Variants in INO80 observed in about 807,000 individuals in gnomAD.
INO80 encodes the protein INO80 complex ATPase subunit, also known as chromatin-remodeling ATPase INO80.
In INO80, 20 loss-of-function variants were observed where a neutral mutation model predicts 203.4. That is an observed-to-expected ratio of 0.10 (90% CI 0.07 to 0.14). The LOEUF (loss-of-function observed/expected upper bound fraction) is 0.14. Among genes scored for constraint, INO80 ranks in the 10% least tolerant of loss-of-function variants. The pLI is 1.00. For synonymous variants in INO80, 726 were observed against 685.2 expected (o/e 1.06, Z -0.93); for missense variants, 1,419 against 1,914.4 (o/e 0.74, Z 4.83).
intron 1 of INO80, among the ~76,000 whole-genome samples, chr15:41,114,578 A>G (rs1596337305): frequency 6.6e-6 from 1 of 151,420 alleles, no homozygotes. Flanking sequence ...GTGTGGTGGC[A>G]GCCGCCTGTA....
At chr15:41,062,216 C>T (rs1234011216) in intron 14 of INO80, among the ~76,000 whole-genome samples, 2 of 152,012 alleles carry the variant, frequency 1.3e-5, no homozygotes, top group Non-Finnish European at 2.9e-5. Flanking sequence ...ATACCGAAGT[C>T]TTTATATTAT....
At chr15:40,983,418 G>C (rs932245646) in intron 34 of INO80, among the ~76,000 whole-genome samples, 13 of 152,132 alleles carry the variant, frequency 8.5e-5, no homozygotes, top group African/African-American at 3.1e-4. Flanking sequence ...TTGCCTTGGA[G>C]AGTCAAATTT....
chr15:41,039,297 T>C (rs2044632082), intron 24 of INO80, among the ~76,000 whole-genome samples: 1 of 152,204 alleles, frequency 6.6e-6, no homozygotes, highest in Non-Finnish European at 1.5e-5. Flanking sequence ...AATTTAACAA[T>C]ACTATTTCTA....
At position 40,982,867 on chromosome 15, in the gene INO80, G is replaced by C; in HGVS notation, c.4448C>G (p.Ser1483Cys). 6.2e-7 allele frequency: 1 copy of C among 1,612,112 alleles called. No individual in the cohort carries two copies. Among genetic ancestry groups the C allele is most frequent in the Non-Finnish European group, 8.5e-7 (1 of 1,179,356 alleles). ...GCCACCCTGGGCTTCTGTACCTTTAGACACGTTGTACCCGTATGCGGCATA... is the reference window on the plus strand; with the variant it reads ...GCCACCCTGGGCTTCTGTACCTTTACACACGTTGTACCCGTATGCGGCATA... ...AAYAAYGYNV[S>C]KGISASSPLQ... Residue 1483 changes from serine (S) to cysteine (C), a missense_variant, in exon 35 of 36, where the codon TCT (serine) becomes TGT (cysteine). By Grantham distance (112) the Ser-to-Cys change is moderately radical. Around this residue, in one of 9 missense-constraint regions of INO80, gnomAD observed 112 missense variants for 106.2 expected, o/e 1.05. Coordinates refer to ENST00000648947, the MANE Select transcript of INO80 (RefSeq NM_017553.3).
At chr15:41,087,474 TATA>T in intron 6 of INO80, 85 bp downstream of exon 6, 1 of 1,378,456 alleles carries the variant, frequency 7.3e-7, no homozygotes, top group Non-Finnish European at 1.0e-6. Flanking sequence ...CATATGGACT[TATA>T]TATAAAGTCC....
chr15:41,090,650 T>A (rs866163066), intron 5 of INO80, among the ~76,000 whole-genome samples: 49 of 152,174 alleles, frequency 3.2e-4, no homozygotes, highest in Middle Eastern at 6.8e-3. Context: ...GGGCAACAGC[T>A]AAGAGGCATG....
Position 41,007,178 on chromosome 15 carries a change from T to C in INO80, c.3403-1491A>G, listed in dbSNP as rs1009357717. 3.6e-4 allele frequency among the ~76,000 whole-genome samples: 44 copies of C among 120,802 alleles called. 1 individual carries two copies. The East Asian group carries it at 9.1e-3, about 25-fold the overall frequency. 79.3% of individuals were successfully genotyped at this position (120,802 alleles called of 152,430 possible). ...TCCTGCACAGGCACTCTTTTTTTTT[T>C]TTTCTTTTTTTTTTTTTTTTTTTTA... On this transcript the variant is annotated intron_variant, in intron 27 of 35. Coordinates refer to ENST00000648947, the MANE Select transcript of INO80 (RefSeq NM_017553.3).
At chr15:40,984,430 T>C in intron 32 of INO80, 78 bp from the exon 33 acceptor site, 1 of 1,337,578 alleles carries the variant, frequency 7.5e-7, no homozygotes, top group Non-Finnish European at 1.0e-6. Flanking sequence ...AAGAAAAGGA[T>C]AACAGAACTT....
At chr15:41,031,156 T>C (rs2044454874) in intron 24 of INO80, among the ~76,000 whole-genome samples, 1 of 152,154 alleles carries the variant, frequency 6.6e-6, no homozygotes, top group African/African-American at 2.4e-5. Flanking sequence ...ATATATACTT[T>C]TCTAGATTCT....
At chr15:41,027,806 C>G in intron 24 of INO80, 70 bp from the exon 25 acceptor site, 1 of 1,229,310 alleles carries the variant, frequency 8.1e-7, no homozygotes. Context: ...AAAAAAAAAG[C>G]CACATATTAA....
At chr15:41,026,274 T>TA (rs2044373035) in intron 25 of INO80, among the ~76,000 whole-genome samples, 1 of 152,174 alleles carries the variant, frequency 6.6e-6, no homozygotes, top group Non-Finnish European at 1.5e-5. Context: ...GAAAACAGGC[T>TA]GGGCACGGTG....
At chr15:41,039,947 T>C (rs1021289281) in intron 24 of INO80, among the ~76,000 whole-genome samples, 1 of 152,158 alleles carries the variant, frequency 6.6e-6, no homozygotes, top group Non-Finnish European at 1.5e-5. Flanking sequence ...CATACAGACA[T>C]TGGAGAAATA....
At chr15:41,114,222 A>C (rs1184953811) in intron 1 of INO80, among the ~76,000 whole-genome samples, 2 of 151,426 alleles carry the variant, frequency 1.3e-5, no homozygotes, top group East Asian at 3.9e-4. Context: ...AGCCGAGATC[A>C]CGCCACTATA....
At chr15:41,075,412 T>C (rs182716486) in intron 9 of INO80, among the ~76,000 whole-genome samples, 330 of 151,936 alleles carry the variant, frequency 2.2e-3, no homozygotes, top group African/African-American at 6.7e-3. Flanking sequence ...GCTGGGACTA[T>C]AGGCGTCCAC....
At chr15:41,078,360 T>C (rs1355866489) in intron 9 of INO80, among the ~76,000 whole-genome samples, 1 of 152,156 alleles carries the variant, frequency 6.6e-6, no homozygotes, top group Non-Finnish European at 1.5e-5. Context: ...TAACTAAGAA[T>C]CTAGGTCTCA....
At position 41,112,335 on chromosome 15, in the gene INO80, CAAG is replaced by C. The variant is rs1252071310; in HGVS notation, c.-44+3635_-44+3637del. 3.3e-5 allele frequency among the ~76,000 whole-genome samples: 5 copies of C among 152,186 alleles called. No homozygotes were observed. In the East Asian group the frequency reaches 9.6e-4, roughly 29 times the overall value. ...TCATCTGTAAAATGAGAATTACTAC[CAAG>C]AAGTTTCAAGAAAATTAAAATGATA... On this transcript the variant is annotated intron_variant, in intron 1 of 35. Transcript: ENST00000648947.
At chr15:41,080,780 A>G (rs2045473853) in intron 8 of INO80, among the ~76,000 whole-genome samples, 1 of 152,170 alleles carries the variant, frequency 6.6e-6, no homozygotes, top group Non-Finnish European at 1.5e-5. Context: ...TGAACCTGGG[A>G]GACGGTGGTT....
intron 34 of INO80, 102 bp from the exon 35 acceptor site, chr15:40,983,179 C>CATTTGTTT (rs1893900820): frequency 2.1e-6 from 2 of 951,896 alleles, no homozygotes; most frequent in Admixed American, 2.3e-5. Flanking sequence ...GCTCTTAGGG[C>CATTTGTTT]ATTTGTTTTA....
chr15:41,092,319 T>C, intron 4 of INO80, 137 bp from the exon 5 acceptor site: 1 of 557,424 alleles, frequency 1.8e-6, no homozygotes, highest in South Asian at 4.2e-5. Flanking sequence ...ATGACATGCT[T>C]TATAAATTCA....
Sources: allele counts gnomAD v4.1 joint callset (sites outside exome capture counted in the v4.1 genomes callset), GRCh38; gene constraint gnomAD v4.1.1; regional missense constraint gnomAD v4.1.1; transcripts MANE v1.5; gene names NCBI Gene and HGNC (gene_info 2026-07-23, HGNC 2026-07-21).